ARIH1: variants seen among roughly 807,000 people sequenced by gnomAD.
ARIH1 encodes ariadne RBR E3 ubiquitin protein ligase 1, also known as E3 ubiquitin-protein ligase ARIH1.
ARIH1 carries 8 observed loss-of-function variants against 85.0 expected under a neutral mutation model. The ratio of observed to expected loss-of-function variants is 0.09; its 90% CI spans 0.06 to 0.17. The LOEUF is 0.17. Among genes scored for constraint, ARIH1 ranks in the 10% least tolerant of loss-of-function variants. The pLI is 1.00. For missense variants in ARIH1, 311 were observed against 718.1 expected (o/e 0.43, Z 6.48); for synonymous variants, 238 against 253.6 (o/e 0.94, Z 0.59).
At chr15:72,519,519 T>A (rs1443261879) in intron 2 of ARIH1, among the ~76,000 whole-genome samples, 1 of 147,998 alleles carries the variant, frequency 6.8e-6, no homozygotes, top group Non-Finnish European at 1.5e-5. Flanking sequence ...GTTTCGCTCT[T>A]GTTGCCCAGG....
At chr15:72,502,284 G>A (rs2140402251) in intron 1 of ARIH1, among the ~76,000 whole-genome samples, 1 of 152,106 alleles carries the variant, frequency 6.6e-6, no homozygotes, top group Non-Finnish European at 1.5e-5. Context: ...TTTATATTTG[G>A]GATGACATAG....
At chr15:72,544,058 T>C (rs2140423570) in intron 2 of ARIH1, among the ~76,000 whole-genome samples, 1 of 152,280 alleles carries the variant, frequency 6.6e-6, no homozygotes, top group East Asian at 1.9e-4. Flanking sequence ...ACTTGGCATA[T>C]ATATACTCTT....
At chr15:72,517,546 T>C (rs2063980793) in intron 1 of ARIH1, among the ~76,000 whole-genome samples, 1 of 152,004 alleles carries the variant, frequency 6.6e-6, no homozygotes, top group South Asian at 2.1e-4. Context: ...TGCCTCAGCC[T>C]CCCAAGTAGC....
Position 72,580,949 on chromosome 15 carries a change from C to T in ARIH1, c.1434C>T (p.Phe478=). The T allele has an allele frequency of 6.2e-7, 1 of 1,614,040 alleles. No individual in the cohort carries two copies. The highest frequency in any genetic ancestry group is 8.5e-7 in the Non-Finnish European group (1 of 1,179,954). The change falls in exon 12 of 14, where the codon TTC becomes TTT. Residue 478 remains phenylalanine, a synonymous_variant. Transcript: ENST00000379887. Reference sequence around the variant, plus strand: ...CCACACTCATGTACACTTATGTCTTCGCTTTCTACCTCAAAAAGAATAACC... The same window carrying T: ...CCACACTCATGTACACTTATGTCTTTGCTTTCTACCTCAAAAAGAATAACC... ...CRATLMYTYV[F]AFYLKKNNQS...
chr15:72,556,676 G>C (rs971479703), intron 5 of ARIH1, among the ~76,000 whole-genome samples: 2 of 152,208 alleles, frequency 1.3e-5, no homozygotes, highest in African/African-American at 4.8e-5. Flanking sequence ...CACCCAGGTA[G>C]TGAGAACAAT....
chr15:72,575,551 C>CAAAAAAAAAAAAAAAAAAAAAAAAA (rs59727915), intron 11 of ARIH1, among the ~76,000 whole-genome samples: 1 of 60,562 alleles, frequency 1.7e-5, no homozygotes, highest in Non-Finnish European at 3.2e-5. Flanking sequence ...ACCCTGTCTC[C>CAAAAAAAAAAAAAAAAAAAAAAAAA]AAAAAAAAAA....
chr15:72,542,525 A>G (rs2140422896), intron 2 of ARIH1, among the ~76,000 whole-genome samples: 1 of 152,358 alleles, frequency 6.6e-6, no homozygotes, highest in South Asian at 2.1e-4. Context: ...TGGCACATTT[A>G]AATGTCCTTC....
Position 72,540,699 on chromosome 15 carries a change from G to A in ARIH1, c.444-4121G>A, listed in dbSNP as rs567164564. Among the ~76,000 whole-genome samples the A allele has an allele frequency of 1.1e-4, 16 of 152,156 alleles. No individual in the cohort carries two copies. In the South Asian group the frequency reaches 2.1e-3, roughly 20 times the overall value. ...CCAAGCCACATGTAGTGGTGTGCAC[G>A]TATAGTCCCACCTATACTCAAGAAG... On this transcript the variant is annotated intron_variant, in intron 2 of 13. Transcript: ENST00000379887.
At chr15:72,567,271 C>T in intron 9 of ARIH1, 94 bp downstream of exon 9, 3 of 885,896 alleles carry the variant, frequency 3.4e-6, no homozygotes, top group Non-Finnish European at 5.2e-6. Context: ...TACTTACAGG[C>T]TTTGTTTCAT....
At chr15:72,505,894 G>A (rs1182670573) in intron 1 of ARIH1, among the ~76,000 whole-genome samples, 1 of 151,954 alleles carries the variant, frequency 6.6e-6, no homozygotes, top group Non-Finnish European at 1.5e-5. Flanking sequence ...TGCCACCATA[G>A]CGGGTAATTT....
In ARIH1 at chr15:72,583,425, T is replaced by C; in HGVS notation, c.*133T>C. The C allele has an allele frequency of 1.7e-6, 1 of 603,760 alleles. No homozygotes were observed. Among genetic ancestry groups the C allele is most frequent in the South Asian group, 2.7e-5 (1 of 36,822 alleles). The allele number at this position is 603,760 out of a possible 1,614,324, so 37.4% of individuals were successfully genotyped here. The stretch of plus-strand genomic sequence containing the variant: ...ACTGGTCTGTAGTACCAGAATTGTT[T>C]TGTTAATGGAAAGTTTAAGTAAATT... On this transcript the variant is annotated 3_prime_UTR_variant, in exon 14 of 14. Coordinates refer to ENST00000379887, the MANE Select transcript of ARIH1 (RefSeq NM_005744.5).
chr15:72,576,281 G>A (rs564549870), intron 11 of ARIH1, among the ~76,000 whole-genome samples: 45 of 152,034 alleles, frequency 3.0e-4, no homozygotes, highest in African/African-American at 1.1e-3. Context: ...CGAGGCGGGC[G>A]GATCACAAGG....
intron 1 of ARIH1, among the ~76,000 whole-genome samples, chr15:72,479,891 G>A (rs972970411): frequency 1.9e-4 from 28 of 151,226 alleles, no homozygotes; most frequent in African/African-American, 5.8e-4. Context: ...CGTTTGAGAC[G>A]GAGTCTCGCT....
rs2064373926 is a variant in ARIH1, at chr15:72,599,192, T to G, written c.*15900T>G. 3 of 152,110 alleles carry G rather than the reference T, an allele frequency of 2.0e-5. No homozygotes were observed. The allele number at this position is 152,110 out of a possible 1,614,324, so 9.4% of individuals were successfully genotyped here. On this transcript the variant is annotated 3_prime_UTR_variant, in exon 14 of 14. Transcript: ENST00000379887. ...CGCCCGCCACCACACCCAGCTAATTTTTGTATTTTTAGTAGAGACAGGGTT... is the reference window on the plus strand; with the variant it reads ...CGCCCGCCACCACACCCAGCTAATTGTTGTATTTTTAGTAGAGACAGGGTT...
At chr15:72,542,089 A>T (rs978946226) in intron 2 of ARIH1, among the ~76,000 whole-genome samples, 5 of 152,230 alleles carry the variant, frequency 3.3e-5, no homozygotes, top group Non-Finnish European at 7.3e-5. Flanking sequence ...TTGAAATGAA[A>T]TGGAATCCTG....
intron 5 of ARIH1, among the ~76,000 whole-genome samples, chr15:72,559,445 T>C (rs2064188592): frequency 1.3e-5 from 2 of 152,066 alleles, no homozygotes; most frequent in South Asian, 4.1e-4. Flanking sequence ...AATTTTTTTG[T>C]ATTTTTAGTA....
intron 1 of ARIH1, among the ~76,000 whole-genome samples, chr15:72,484,066 G>A (rs555669999): frequency 4.8e-4 from 72 of 151,456 alleles, no homozygotes; most frequent in African/African-American, 1.6e-3. Flanking sequence ...CCAGCTACTC[G>A]GGAGGCTGAG....
chr15:72,502,908 A>G lies in ARIH1; in HGVS notation c.376-15159A>G, dbSNP rs114664930. On this transcript the variant is annotated intron_variant, in intron 1 of 13. Transcript: ENST00000379887. ...AAGGGGGAGTTCTCTCAAGAATATTATCCTCAACATTTTTACCTTTTACCT... is the reference window on the plus strand; with the variant it reads ...AAGGGGGAGTTCTCTCAAGAATATTGTCCTCAACATTTTTACCTTTTACCT... Among the ~76,000 whole-genome samples, 574 of 152,320 alleles carry G rather than the reference A, an allele frequency of 3.8e-3. 4 individuals carry two copies. Among genetic ancestry groups the G allele is most frequent in the African/African-American group, 0.013 (553 of 41,576 alleles).
intron 1 of ARIH1, among the ~76,000 whole-genome samples, chr15:72,484,430 C>T (rs550551544): frequency 6.6e-6 from 1 of 151,644 alleles, no homozygotes; most frequent in Non-Finnish European, 1.5e-5. Context: ...TCACCTTTTT[C>T]CCCCGAGTCC....
Sources: allele counts gnomAD v4.1 joint callset (sites outside exome capture counted in the v4.1 genomes callset), GRCh38; gene constraint gnomAD v4.1.1; transcripts MANE v1.5; gene names NCBI Gene and HGNC (gene_info 2026-07-23, HGNC 2026-07-21).